Variants in NLN observed in about 807,000 individuals in gnomAD.
NLN encodes the protein neurolysin, mitochondrial.
In NLN, 64 loss-of-function variants were observed where a neutral mutation model predicts 79.9. The observed-to-expected ratio is 0.80, with a 90% confidence interval of 0.65 to 0.99. The LOEUF (loss-of-function observed/expected upper bound fraction) is 0.99. NLN is among the 50% of genes least tolerant of loss of function. NLN has a pLI of 0.00. For synonymous variants in NLN, 267 were observed against 296.6 expected (o/e 0.90, Z 1.02); for missense variants, 835 against 858.7 (o/e 0.97, Z 0.34).
chr5:65,785,926 T>C lies in NLN; in HGVS notation c.958+16T>C. 1.2e-6 allele frequency: 2 copies of C among 1,609,424 alleles called. No homozygotes were observed. Among genetic ancestry groups the C allele is most frequent in the Non-Finnish European group, 1.7e-6 (2 of 1,178,304 alleles). On this transcript the variant is annotated intron_variant, in intron 7 of 12. Coordinates refer to ENST00000380985, the MANE Select transcript of NLN (RefSeq NM_020726.5). ...GCCTTTCTAGGTTAGTTCTTTTTTTTTTTTCTATGACTGTTTTGCTATACC... is the reference window on the plus strand; with the variant it reads ...GCCTTTCTAGGTTAGTTCTTTTTTTCTTTTCTATGACTGTTTTGCTATACC...
intron 1 of NLN, among the ~76,000 whole-genome samples, chr5:65,746,533 A>C (rs972754911): frequency 6.6e-5 from 10 of 152,164 alleles, no homozygotes; most frequent in African/African-American, 2.4e-4. Context: ...AAGAACAAAA[A>C]GATAGTAGGG....
chr5:65,742,668 T>C (rs955889442), intron 1 of NLN, among the ~76,000 whole-genome samples: 4 of 152,214 alleles, frequency 2.6e-5, no homozygotes, highest in African/African-American at 9.6e-5. Context: ...TTTTCTATGG[T>C]TGCTAAACAA....
intron 11 of NLN, among the ~76,000 whole-genome samples, chr5:65,811,095 A>T (rs1481693044): frequency 1.3e-5 from 2 of 152,230 alleles, no homozygotes; most frequent in African/African-American, 4.8e-5. Context: ...GGACTCATGC[A>T]TGGGCGTGTT....
intron 8 of NLN, among the ~76,000 whole-genome samples, chr5:65,788,875 G>A (rs1275749211): frequency 6.6e-6 from 1 of 152,128 alleles, no homozygotes; most frequent in African/African-American, 2.4e-5. Context: ...GAGAGGCTGA[G>A]GTGGGAGGAT....
chr5:65,789,069 G>C (rs1025547021), intron 8 of NLN, among the ~76,000 whole-genome samples: 1 of 152,158 alleles, frequency 6.6e-6, no homozygotes, highest in East Asian at 1.9e-4. Flanking sequence ...GGAGTTTAAG[G>C]TTACAGTGAG....
chr5:65,788,331 A>G lies in NLN; in HGVS notation c.1172A>G (p.Glu391Gly), dbSNP rs1197164417. ...KEYFPIEVVT[E>G]GLLNTYQELL... ...TACTTCCCAATTGAGGTGGTCACTGAAGGCTTGCTGAACACCTACCAGGAG... is the reference window on the plus strand; with the variant it reads ...TACTTCCCAATTGAGGTGGTCACTGGAGGCTTGCTGAACACCTACCAGGAG... Residue 391 changes from glutamate (E) to glycine (G), a missense_variant, in exon 8 of 13, where the codon GAA becomes GGA. Coordinates refer to ENST00000380985, the MANE Select transcript of NLN (RefSeq NM_020726.5). 1.9e-6 allele frequency: 3 copies of G among 1,614,080 alleles called. No individual in the cohort carries two copies. Among genetic ancestry groups the G allele is most frequent in the Middle Eastern group, 1.6e-4 (1 of 6,082 alleles).
intron 6 of NLN, among the ~76,000 whole-genome samples, chr5:65,783,345 C>T (rs975848821): frequency 1.4e-4 from 21 of 151,902 alleles, no homozygotes; most frequent in African/African-American, 5.1e-4. Context: ...GGTGAGTGGT[C>T]CAGAGGTGGA....
At chr5:65,761,492 A>G (rs1759339276) in intron 2 of NLN, among the ~76,000 whole-genome samples, 1 of 151,956 alleles carries the variant, frequency 6.6e-6, no homozygotes, top group African/African-American at 2.4e-5. Context: ...GGATTTCACC[A>G]TGTTGGCCAG....
chr5:65,749,744 C>T (rs1423663283), intron 1 of NLN, among the ~76,000 whole-genome samples: 2 of 152,148 alleles, frequency 1.3e-5, no homozygotes, highest in African/African-American at 2.4e-5. Flanking sequence ...TCTTAGTAAG[C>T]TCAGTCAGTG....
rs529013370 is a variant in NLN at position 65,797,632 on chromosome 5, G to A, written c.1527+4977G>A. ...AGCAATTCTATGTACTTCCCTGGAC[G>A]ATTGGGAGAATTAAACCAAGCATAT... On this transcript the variant is annotated intron_variant, in intron 9 of 12. Transcript: ENST00000380985. 8.5e-5 allele frequency among the ~76,000 whole-genome samples: 13 copies of A among 152,282 alleles called. No individual in the cohort carries two copies. In the South Asian group the frequency reaches 2.5e-3, roughly 29 times the overall value.
At chr5:65,738,339 C>T (rs1230872270) in intron 1 of NLN, among the ~76,000 whole-genome samples, 2 of 151,920 alleles carry the variant, frequency 1.3e-5, no homozygotes, top group African/African-American at 4.8e-5. Flanking sequence ...TCCCAGCACT[C>T]CTAGGAGGAT....
At chr5:65,802,580 T>G (rs1040629056) in intron 9 of NLN, among the ~76,000 whole-genome samples, 4 of 152,224 alleles carry the variant, frequency 2.6e-5, no homozygotes, top group African/African-American at 9.6e-5. Flanking sequence ...CCTGTTTGTG[T>G]TATAGCCCTT....
intron 12 of NLN, among the ~76,000 whole-genome samples, chr5:65,814,845 T>C (rs534081250): frequency 1.2e-4 from 18 of 152,248 alleles, no homozygotes; most frequent in Admixed American, 1.1e-3. Flanking sequence ...AATGTAACTA[T>C]TACCAAGTGA....
At chr5:65,780,525 A>T (rs559171778) in intron 5 of NLN, among the ~76,000 whole-genome samples, 2 of 151,532 alleles carry the variant, frequency 1.3e-5, no homozygotes, top group African/African-American at 4.9e-5. Flanking sequence ...GGACTTAATA[A>T]TCTTTTTTTT....
At position 65,725,057 on chromosome 5, in the gene NLN, G is replaced by C. The variant is rs1279824919; in HGVS notation, c.41+2643G>C. On this transcript the variant is annotated intron_variant, in intron 1 of 12. Coordinates refer to ENST00000380985, the MANE Select transcript of NLN (RefSeq NM_020726.5). The stretch of plus-strand genomic sequence containing the variant: ...CCTGACCTCGTGATCCGCCTGTCTC[G>C]GCCTCCCAAAGTGCTGGGATTACAG... Among the ~76,000 whole-genome samples, 10 of 151,950 alleles carry C rather than the reference G, an allele frequency of 6.6e-5. No homozygotes were observed. In the East Asian group the frequency reaches 7.7e-4, roughly 12 times the overall value.
rs1760878157 is a variant in NLN at position 65,824,634 on chromosome 5, TA to T, written c.*1722del. 1 of 152,344 alleles carries T rather than the reference TA, an allele frequency of 6.6e-6. No homozygotes were observed. The highest frequency in any genetic ancestry group is 2.1e-4 in the South Asian group (1 of 4,832). The allele number at this position is 152,344 out of a possible 1,614,324, so 9.4% of individuals were successfully genotyped here. A position where few individuals can be genotyped will look rare whatever the true frequency, so the allele number is the denominator to read the frequency against. On this transcript the variant is annotated 3_prime_UTR_variant, in exon 13 of 13. Transcript: ENST00000380985. ...TTGAAATCTTATTTCATAGAAAAAC[TA>T]AATTGGTGTGGAAAGGCTGCACACA... is the stretch of plus-strand genomic sequence containing the variant.
intron 1 of NLN, among the ~76,000 whole-genome samples, chr5:65,750,799 G>A (rs1267970412): frequency 6.6e-6 from 1 of 151,646 alleles, no homozygotes; most frequent in Admixed American, 6.6e-5. Flanking sequence ...GAAGGAAGGA[G>A]AAAGAAAAAG....
chr5:65,747,757 G>C (rs1166886245), intron 1 of NLN, among the ~76,000 whole-genome samples: 1 of 152,198 alleles, frequency 6.6e-6, no homozygotes, highest in African/African-American at 2.4e-5. Flanking sequence ...GGCCCACACA[G>C]ATTCTGGGAG....
intron 4 of NLN, among the ~76,000 whole-genome samples, chr5:65,778,766 A>G (rs1401863184): frequency 4.6e-5 from 7 of 152,168 alleles, no homozygotes; most frequent in African/African-American, 1.7e-4. Flanking sequence ...AGTTTTATCT[A>G]AAGGGTGGCT....
Sources: gnomAD v4.1 joint callset for allele counts (sites outside exome capture counted in the v4.1 genomes callset) on GRCh38, gnomAD v4.1.1 for gene constraint, MANE v1.5 for transcripts, NCBI Gene and HGNC (gene_info 2026-07-23, HGNC 2026-07-21) for gene names.